SYCP2L: variants seen among roughly 807,000 people sequenced by gnomAD.
SYCP2L encodes the protein synaptonemal complex protein 2 like.
SYCP2L carries 98 observed loss-of-function variants against 125.8 expected under a neutral mutation model. The ratio of observed to expected loss-of-function variants is 0.78; its 90% confidence interval spans 0.66 to 0.92. The LOEUF is 0.92. SYCP2L is among the 40% of genes least tolerant of loss of function. SYCP2L has a pLI of 0.00. For missense variants in SYCP2L, 842 were observed against 936.4 expected (o/e 0.90, Z 1.32); for synonymous variants, 317 against 325.4 (o/e 0.97, Z 0.28).
At position 10,935,065 on chromosome 6, in the gene SYCP2L, T is replaced by G. The variant is rs1428335270; in HGVS notation, c.1691T>G (p.Leu564Arg). The change falls in exon 21 of 30, where the codon CTT becomes CGT. Residue 564 changes from leucine (L) to arginine (R), a missense_variant. Physicochemically the swap from Leu to Arg is moderately radical, Grantham distance 102 (BLOSUM62 -2). Transcript: ENST00000283141. ...GSGHEKDQAK[L>R]LSPSEKEIPE... is the part of the protein sequence containing the mutation. The stretch of plus-strand genomic sequence containing the variant: ...AAAGATACTATATTTTAGGCTAAGC[T>G]TCTATCACCATCAGAGAAAGAAATA... 7 of 1,605,494 alleles carry G rather than the reference T, an allele frequency of 4.4e-6. No individual in the cohort carries two copies. The East Asian group carries it at 1.6e-4, about 36-fold the overall frequency.
At chr6:10,927,795 A>G (rs760424877) in intron 17 of SYCP2L, among the ~76,000 whole-genome samples, 5 of 152,186 alleles carry the variant, frequency 3.3e-5, no homozygotes, top group African/African-American at 4.8e-5. Context: ...TGGGAGCGCT[A>G]TGGGAGACTG....
intron 17 of SYCP2L, among the ~76,000 whole-genome samples, chr6:10,927,987 C>G (rs993340559): frequency 3.3e-5 from 5 of 152,148 alleles, no homozygotes; most frequent in Non-Finnish European, 7.4e-5. Flanking sequence ...CTGTTCCACC[C>G]GGCTCACCGG....
chr6:10,900,785 C>T lies in SYCP2L; in HGVS notation c.467-1892C>T, dbSNP rs572005022. On this transcript the variant is annotated intron_variant, in intron 6 of 29. Coordinates refer to ENST00000283141, the MANE Select transcript of SYCP2L (RefSeq NM_001040274.3). Reference sequence around the variant, plus strand: ...GGTTAAGGCTCCAACATATGAATTTCGGGGGGGGACACAGTCCCATCTATA... The same window carrying T: ...GGTTAAGGCTCCAACATATGAATTTTGGGGGGGGACACAGTCCCATCTATA... Among the ~76,000 whole-genome samples the T allele has an allele frequency of 4.5e-4, 68 of 152,070 alleles. 1 individual carries two copies. Among genetic ancestry groups the T allele is most frequent in the African/African-American group, 1.6e-3 (67 of 41,474 alleles).
chr6:10,931,400 G>A lies in SYCP2L; in HGVS notation c.1634-40G>A, dbSNP rs1581831756. 3.1e-6 allele frequency: 5 copies of A among 1,608,718 alleles called. No individual in the cohort carries two copies. The East Asian group carries it at 1.1e-4, about 36-fold the overall frequency. The stretch of plus-strand genomic sequence containing the variant: ...AGTAGAGAATTTTTATGCCTCATGA[G>A]TTAATGTATATGTTGTGCACTTGTT... On this transcript the variant is annotated intron_variant, in intron 19 of 29. Coordinates refer to ENST00000283141, the MANE Select transcript of SYCP2L (RefSeq NM_001040274.3).
At chr6:10,946,656 T>A (rs1350012865) in intron 23 of SYCP2L, among the ~76,000 whole-genome samples, 2 of 152,144 alleles carry the variant, frequency 1.3e-5, no homozygotes, top group Non-Finnish European at 2.9e-5. Flanking sequence ...ATTCAATTGC[T>A]TTTTGTTTTC....
intron 17 of SYCP2L, 59 bp from the exon 18 acceptor site, chr6:10,928,340 TATTA>T (rs1780934093): frequency 2.6e-6 from 2 of 771,320 alleles, no homozygotes; most frequent in Non-Finnish European, 4.3e-6. Flanking sequence ...ATTATAAAAG[TATTA>T]ATTTGGGGAA....
In SYCP2L at chr6:10,924,560, A is replaced by C. The variant is rs572323112; in HGVS notation, c.1137A>C (p.Glu379Asp). 8.7e-6 allele frequency: 14 copies of C among 1,605,898 alleles called. No individual in the cohort carries two copies. The Admixed American group carries it at 2.4e-4, about 28-fold the overall frequency. ...LKKPMIISYK[E>D]VMKIEIHFDL... ...AGCCCATGATTATCAGCTACAAAGA[A>C]GTCATGAAAATAGAAATCCATTTTG... is the stretch of plus-strand genomic sequence containing the variant. The change falls in exon 15 of 30, where the codon GAA (glutamate) becomes GAC (aspartate). Residue 379 changes from glutamate to aspartate, a missense_variant. Physicochemically the swap from Glu to Asp is conservative, Grantham distance 45. Coordinates refer to ENST00000283141, the MANE Select transcript of SYCP2L (RefSeq NM_001040274.3).
rs551103839 is a variant in SYCP2L, at chr6:10,907,892, GTTTT to G, written c.819+223_819+226del. Among the ~76,000 whole-genome samples the G allele has an allele frequency of 9.4e-4, 86 of 91,930 alleles. 4 individuals are homozygous for G. The highest frequency in any genetic ancestry group is 3.4e-3 in the African/African-American group (83 of 24,150). 60.3% of individuals were successfully genotyped at this position (91,930 alleles called of 152,430 possible). ...GAGCTAGATATAGGGATACAGATAG[GTTTT>G]TTTTTTTTTTTTTTGACAGAGTCTC... is the stretch of plus-strand genomic sequence containing the variant. On this transcript the variant is annotated intron_variant, in intron 10 of 29. Transcript: ENST00000283141.
Position 10,911,326 on chromosome 6 carries a change from C to T in SYCP2L, c.918+457C>T, listed in dbSNP as rs540500503. ...ATAGTCCAAGGTTGACCAGTTTCTT[C>T]CCCACCCCCCATTTGGTTTCTAGAG... On this transcript the variant is annotated intron_variant, in intron 12 of 29. Coordinates refer to ENST00000283141, the MANE Select transcript of SYCP2L (RefSeq NM_001040274.3). Among the ~76,000 whole-genome samples, 18 of 152,202 alleles carry T rather than the reference C, an allele frequency of 1.2e-4. No individual in the cohort carries two copies. The South Asian group carries it at 3.7e-3, about 32-fold the overall frequency.
chr6:10,902,579 C>G, intron 6 of SYCP2L, 98 bp from the exon 7 acceptor site: 3 of 990,482 alleles, frequency 3.0e-6, no homozygotes, highest in Non-Finnish European at 3.0e-6. Context: ...TGTAGAAAAG[C>G]CAGAACGACA....
chr6:10,930,666 T>G (rs1401902507), intron 19 of SYCP2L, 152 bp downstream of exon 19: 1 of 798,658 alleles, frequency 1.3e-6, no homozygotes, highest in Non-Finnish European at 1.9e-6. Context: ...AAAGGCAAAA[T>G]GTACTGTGTA....
At chr6:10,955,611 T>C (rs1225749) in intron 24 of SYCP2L, among the ~76,000 whole-genome samples, 140,184 of 152,054 alleles carry the variant, frequency 0.92, 65,094 homozygotes, top group Non-Finnish European at 0.99. Context: ...AATGGTACCA[T>C]GCATTTTGAA....
At chr6:10,901,369 G>C (rs2113299510) in intron 6 of SYCP2L, among the ~76,000 whole-genome samples, 1 of 152,242 alleles carries the variant, frequency 6.6e-6, no homozygotes, top group Non-Finnish European at 1.5e-5. Flanking sequence ...TCACTTTGCA[G>C]TCTTTGCCCC....
At chr6:10,889,081 C>T (rs531141880) in intron 1 of SYCP2L, among the ~76,000 whole-genome samples, 6 of 152,170 alleles carry the variant, frequency 3.9e-5, no homozygotes, top group Admixed American at 2.6e-4. Context: ...AGGCTGGTCT[C>T]GAACTCCTGA....
rs774664909 is a variant in SYCP2L, at chr6:10,924,500, G to T, written c.1077G>T (p.Thr359=). 3 of 1,564,478 alleles carry T rather than the reference G, an allele frequency of 1.9e-6. No homozygotes were observed. Among genetic ancestry groups the T allele is most frequent in the Non-Finnish European group, 2.6e-6 (3 of 1,163,090 alleles). ...ATATTCCATATTTTCTCTTAGAAAC[G>T]GAGAAGATAAAGATATTTATCATTT... The part of the protein sequence containing the change: ...EAVMNFSITE[T]EKIKIFIIYL... Residue 359 remains threonine (T), a synonymous_variant, in exon 15 of 30, where the codon ACG becomes ACT. Transcript: ENST00000283141.
chr6:10,898,924 TG>T (rs2113295690), intron 6 of SYCP2L, 76 bp downstream of exon 6: 2 of 959,224 alleles, frequency 2.1e-6, no homozygotes, highest in East Asian at 2.5e-5. Flanking sequence ...AAAAGAAAAA[TG>T]ATATGTAAAA....
At chr6:10,921,013 C>G (rs1310064374) in intron 14 of SYCP2L, among the ~76,000 whole-genome samples, 1 of 152,158 alleles carries the variant, frequency 6.6e-6, no homozygotes, top group African/African-American at 2.4e-5. Context: ...GCCCAGCATC[C>G]ATTAGTTGTT....
At chr6:10,911,758 C>T (rs551289286) in intron 12 of SYCP2L, among the ~76,000 whole-genome samples, 1 of 152,106 alleles carries the variant, frequency 6.6e-6, no homozygotes, top group Admixed American at 6.5e-5. Context: ...GGGTGAAAGC[C>T]CTCATTCACC....
Position 10,963,782 on chromosome 6 carries a change from G to A in SYCP2L, c.2415G>A (p.Arg805=), listed in dbSNP as rs115084361. ...TAAGAGATGGACCAATTTCTTCCAG[G>A]TTCAATTCAACTCAGACTTCATAAG... ...LQSFCDLQVL[R]FNSTQTS is the part of the protein sequence containing the mutation. Residue 805 remains arginine, a splice_region_variant and synonymous_variant, in exon 29 of 30, where the codon AGG becomes AGA. Transcript: ENST00000283141. 0.018 allele frequency: 28,489 copies of A among 1,613,488 alleles called. 315 individuals carry two copies. Among genetic ancestry groups the A allele is most frequent in the Non-Finnish European group, 0.021 (24,629 of 1,179,612 alleles).
Sources: gnomAD v4.1 joint callset for allele counts (sites outside exome capture counted in the v4.1 genomes callset) on GRCh38, gnomAD v4.1.1 for gene constraint, MANE v1.5 for transcripts, NCBI Gene and HGNC (gene_info 2026-07-23, HGNC 2026-07-21) for gene names.